The following OTUD3 variants were observed in gnomAD, a reference collection of about 807,000 sequenced individuals.
OTUD3 encodes the protein OTU domain-containing protein 3.
In OTUD3, 24 loss-of-function variants were observed where a neutral mutation model predicts 46.2. The ratio of observed to expected loss-of-function variants is 0.52; its 90% CI spans 0.38 to 0.73. The LOEUF (loss-of-function observed/expected upper bound fraction) is 0.73, where lower values mean the gene tolerates loss of function less well. Among genes scored for constraint, OTUD3 ranks in the 30% least tolerant of loss-of-function variants. The probability of loss-of-function intolerance (pLI) is 0.00; values close to 1 mark genes in which losing one functional copy is unlikely to be tolerated. For synonymous variants in OTUD3, 189 were observed against 195.4 expected, an observed-to-expected ratio of 0.97 and a Z score of 0.27; for missense variants, 455 against 523.3, an observed-to-expected ratio of 0.87 and a Z score of 1.27.
At chr1:19,899,779 T>G (rs1340628311) in intron 4 of OTUD3, among the ~76,000 whole-genome samples, 1 of 152,216 alleles carries the variant, frequency 6.6e-6, no homozygotes, top group Non-Finnish European at 1.5e-5. Context: ...TTTAAATCCT[T>G]TTCATTGTTA....
At chr1:19,904,733 A>G (rs556814597) in intron 5 of OTUD3, among the ~76,000 whole-genome samples, 158 bp from the exon 6 acceptor site, 9 of 152,350 alleles carry the variant, frequency 5.9e-5, no homozygotes, top group Admixed American at 1.3e-4. Context: ...GACCAACCTT[A>G]TTGGAAATCG....
intron 1 of OTUD3, among the ~76,000 whole-genome samples, chr1:19,883,832 C>A (rs1255637139): frequency 6.6e-6 from 1 of 152,206 alleles, no homozygotes; most frequent in South Asian, 2.1e-4. Context: ...AAAATTTTCA[C>A]ATTACATTGC....
chr1:19,882,747 G>A lies in OTUD3; in HGVS notation c.221+13G>A. On this transcript the variant is annotated intron_variant, in intron 1 of 7. Transcript: ENST00000375120. ...TGCCGGGGGACGGGTGAGGCGGGCC[G>A]GGAGCGAGGGAGGCGGCGCCGGGGG... The A allele has an allele frequency of 7.7e-7, 1 of 1,306,150 alleles. No homozygotes were observed. The highest frequency in any genetic ancestry group is 9.7e-7 in the Non-Finnish European group (1 of 1,028,948). 80.9% of individuals were successfully genotyped at this position (1,306,150 alleles called of 1,614,324 possible).
chr1:19,887,479 G>A (rs1378720209), intron 1 of OTUD3, among the ~76,000 whole-genome samples: 2 of 152,206 alleles, frequency 1.3e-5, no homozygotes, highest in African/African-American at 4.8e-5. Context: ...CAGATGCTCA[G>A]TAGTCACATG....
Position 19,890,367 on chromosome 1 carries a change from G to T in OTUD3, c.222-18G>T, listed in dbSNP as rs10799593. 1 of 1,612,030 alleles carries T rather than the reference G, an allele frequency of 6.2e-7. No homozygotes were observed. Among genetic ancestry groups the T allele is most frequent in the South Asian group, 1.1e-5 (1 of 91,024 alleles). Reference sequence around the variant, plus strand: ...GTTCATTTTTGAAAGGTCTTGACTCGTGTTGTTGTTTTGACAGCAATTGCT... The same window carrying T: ...GTTCATTTTTGAAAGGTCTTGACTCTTGTTGTTGTTTTGACAGCAATTGCT... On this transcript the variant is annotated intron_variant, in intron 1 of 7. Coordinates refer to ENST00000375120, the MANE Select transcript of OTUD3 (RefSeq NM_015207.2).
At chr1:19,902,489 G>C (rs1028666209) in intron 4 of OTUD3, among the ~76,000 whole-genome samples, 1 of 152,192 alleles carries the variant, frequency 6.6e-6, no homozygotes, top group African/African-American at 2.4e-5. Flanking sequence ...ACAGGCATGA[G>C]CCACCACGCC....
At chr1:19,894,941 G>C (rs1490081260) in intron 3 of OTUD3, among the ~76,000 whole-genome samples, 1 of 151,882 alleles carries the variant, frequency 6.6e-6, no homozygotes, top group African/African-American at 2.4e-5. Context: ...TTAGAAAATT[G>C]AAAAAGCTCG....
At chr1:19,890,268 G>A (rs760891292) in intron 1 of OTUD3, 117 bp from the exon 2 acceptor site, 3 of 997,026 alleles carry the variant, frequency 3.0e-6, no homozygotes, top group Non-Finnish European at 4.6e-6. Flanking sequence ...TTAGAGTTGA[G>A]TCTTTACCTC....
Position 19,907,579 on chromosome 1 carries a change from A to G in OTUD3, c.1030A>G (p.Lys344Glu), listed in dbSNP as rs1317541099. 1 of 1,614,058 alleles carries G rather than the reference A, an allele frequency of 6.2e-7. No individual in the cohort carries two copies. Among genetic ancestry groups the G allele is most frequent in the Non-Finnish European group, 8.5e-7 (1 of 1,179,984 alleles). ...TGGCCTTCTCTCTCAGGTCACAAAC[A>G]AACAGAGGCGAGAACAGCAGTGGAT... is the stretch of plus-strand genomic sequence containing the variant. The part of the protein sequence containing the change: ...NKNQLAKVTN[K>E]QRREQQWMEK... Residue 344 changes from lysine (K) to glutamate (E), a missense_variant, in exon 8 of 8, where the codon AAA becomes GAA. By Grantham distance (56) the Lys-to-Glu change is moderately conservative. Transcript: ENST00000375120.
At chr1:19,882,915 C>G (rs1240529241) in intron 1 of OTUD3, among the ~76,000 whole-genome samples, 181 bp downstream of exon 1, 1 of 152,206 alleles carries the variant, frequency 6.6e-6, no homozygotes, top group African/African-American at 2.4e-5. Flanking sequence ...GCCCCTCGCC[C>G]CGAGACGCTC....
intron 3 of OTUD3, among the ~76,000 whole-genome samples, chr1:19,895,677 C>T (rs539471554): frequency 3.9e-5 from 6 of 152,266 alleles, no homozygotes; most frequent in South Asian, 2.1e-4. Context: ...GGCAGTGTTG[C>T]GGATGTCCTG....
chr1:19,890,302 G>A, intron 1 of OTUD3, 83 bp from the exon 2 acceptor site: 2 of 1,343,568 alleles, frequency 1.5e-6, no homozygotes, highest in African/African-American at 2.9e-5. Context: ...TATTTCCATG[G>A]ATGATCTGGC....
intron 1 of OTUD3, among the ~76,000 whole-genome samples, chr1:19,886,023 A>T (rs998814980): frequency 3.3e-5 from 5 of 151,898 alleles, no homozygotes; most frequent in African/African-American, 1.2e-4. Flanking sequence ...AGTGTAGATT[A>T]ATCAGGGAGC....
At chr1:19,895,210 TC>T (rs1278991922) in intron 3 of OTUD3, among the ~76,000 whole-genome samples, 1 of 152,248 alleles carries the variant, frequency 6.6e-6, no homozygotes, top group Non-Finnish European at 1.5e-5. Flanking sequence ...GCCCTTTTTT[TC>T]ATATGACACC....
At chr1:19,897,134 T>G (rs1418533739) in intron 3 of OTUD3, among the ~76,000 whole-genome samples, 9 of 152,214 alleles carry the variant, frequency 5.9e-5, no homozygotes, top group Admixed American at 5.9e-4. Context: ...TTGCATTTTT[T>G]TTTTCCTCAA....
intron 1 of OTUD3, among the ~76,000 whole-genome samples, chr1:19,885,246 G>C (rs779309286): frequency 6.0e-4 from 91 of 152,318 alleles, no homozygotes; most frequent in Admixed American, 5.9e-4. Context: ...TATTCGGACA[G>C]TGTTAGATAA....
intron 2 of OTUD3, among the ~76,000 whole-genome samples, chr1:19,891,472 CTAGT>C (rs2045445342): frequency 1.3e-5 from 2 of 152,232 alleles, no homozygotes; most frequent in Non-Finnish European, 2.9e-5. Flanking sequence ...ATAAAGGAGA[CTAGT>C]TAGAAGGTCT....
chr1:19,895,718 T>A (rs2045509299), intron 3 of OTUD3, among the ~76,000 whole-genome samples: 1 of 152,216 alleles, frequency 6.6e-6, no homozygotes, highest in African/African-American at 2.4e-5. Context: ...GCTATCATAT[T>A]TTCCATGGGG....
At chr1:19,897,044 A>G (rs2045526848) in intron 3 of OTUD3, among the ~76,000 whole-genome samples, 1 of 152,224 alleles carries the variant, frequency 6.6e-6, no homozygotes, top group Non-Finnish European at 1.5e-5. Context: ...CCTTGAAGCT[A>G]ATGAAACATC....
Sources: gnomAD v4.1 joint callset for allele counts (sites outside exome capture counted in the v4.1 genomes callset) on GRCh38, gnomAD v4.1.1 for gene constraint, MANE v1.5 for transcripts, NCBI Gene and HGNC (gene_info 2026-07-23, HGNC 2026-07-21) for gene names.